The following NIN variants were observed in gnomAD, a reference collection of about 807,000 sequenced individuals.
The protein encoded by NIN is ninein, also known as glycogen synthase kinase 3 beta-interacting protein.
A neutral mutation model predicts 257.6 loss-of-function variants in NIN; 137 were observed. That is an observed-to-expected ratio of 0.53 (90% CI 0.46 to 0.61). The LOEUF is 0.61. NIN is among the 20% of genes least tolerant of loss of function. The pLI is 0.00. For missense variants in NIN, 2,439 were observed against 2,501.2 expected, an observed-to-expected ratio of 0.98 and a Z score of 0.53; for synonymous variants, 918 against 919.8, an observed-to-expected ratio of 1.00 and a Z score of 0.04.
chr14:50,819,512 T>C (rs1274870906), intron 3 of NIN, among the ~76,000 whole-genome samples: 2 of 152,206 alleles, frequency 1.3e-5, no homozygotes, highest in African/African-American at 4.8e-5. Flanking sequence ...AAGGTGTGTC[T>C]CTCATCTTCT....
Position 50,722,961 on chromosome 14 carries a change from TA to T in NIN, c.*501del. 9.4e-6 allele frequency: 2 copies of T among 212,554 alleles called. No individual in the cohort carries two copies. The highest frequency in any genetic ancestry group is 1.9e-5 in the Non-Finnish European group (2 of 105,134). 13.2% of individuals were successfully genotyped at this position (212,554 alleles called of 1,614,324 possible). A position where few individuals can be genotyped will look rare whatever the true frequency, so the allele number is the denominator to read the frequency against. On this transcript the variant is annotated 3_prime_UTR_variant, in exon 31 of 31. Transcript: ENST00000530997. Reference sequence around the variant, plus strand: ...TAACCACTTAATAAGCCCTGCCTCCTAACCAATTATACTCTACTAATTGTCT... The same window carrying T: ...TAACCACTTAATAAGCCCTGCCTCCTACCAATTATACTCTACTAATTGTCT...
At chr14:50,740,085 AAC>A (rs2041203367) in intron 25 of NIN, among the ~76,000 whole-genome samples, 1 of 152,216 alleles carries the variant, frequency 6.6e-6, no homozygotes, top group Admixed American at 6.5e-5. Context: ...TTAAAAAGAT[AAC>A]ACAAATAGAT....
intron 28 of NIN, among the ~76,000 whole-genome samples, chr14:50,733,573 G>A (rs184241816): frequency 6.6e-6 from 1 of 152,266 alleles, no homozygotes; most frequent in East Asian, 1.9e-4. Flanking sequence ...AACAACAAGG[G>A]GAAATTGCTT....
rs1377347698 is a variant in NIN at position 50,741,490 on chromosome 14, A to G, written c.5448+92T>C. The G allele has an allele frequency of 2.6e-5, 24 of 938,278 alleles. No homozygotes were observed. The East Asian group carries it at 5.6e-4, about 22-fold the overall frequency. The allele number at this position is 938,278 out of a possible 1,614,324, so 58.1% of individuals were successfully genotyped here. On this transcript the variant is annotated intron_variant, in intron 25 of 30. Transcript: ENST00000530997. ...ATAAAATATGCATATTTATATGTAC[A>G]TACATATACACATAAAAATAACCAA...
At chr14:50,829,296 C>G (rs2045595576) in intron 2 of NIN, among the ~76,000 whole-genome samples, 1 of 152,168 alleles carries the variant, frequency 6.6e-6, no homozygotes, top group African/African-American at 2.4e-5. Context: ...CAAGAGCCAC[C>G]AATATTCCAG....
intron 3 of NIN, among the ~76,000 whole-genome samples, chr14:50,817,207 T>C (rs1474419196): frequency 6.6e-6 from 1 of 152,226 alleles, no homozygotes; most frequent in Non-Finnish European, 1.5e-5. Context: ...GTATGAGTTA[T>C]ATTATGACAA....
chr14:50,795,939 A>C (rs2043818868), intron 4 of NIN, among the ~76,000 whole-genome samples: 1 of 152,254 alleles, frequency 6.6e-6, no homozygotes, highest in Admixed American at 6.5e-5. Flanking sequence ...AGACTGCGCC[A>C]CTGCACTCCA....
intron 28 of NIN, among the ~76,000 whole-genome samples, chr14:50,734,572 C>G (rs570613077): frequency 6.6e-6 from 1 of 152,306 alleles, no homozygotes; most frequent in African/African-American, 2.4e-5. Flanking sequence ...GAAGGATGTA[C>G]ACATAAGTTT....
intron 14 of NIN, among the ~76,000 whole-genome samples, chr14:50,765,040 C>T (rs1467735510): frequency 7.2e-5 from 8 of 111,752 alleles, no homozygotes; most frequent in Non-Finnish European, 1.0e-4. Flanking sequence ...GCCTGGCCAA[C>T]ATGGTGAAAC....
At position 50,775,461 on chromosome 14, in the gene NIN, A is replaced by C. The variant is rs545146452; in HGVS notation, c.666+1488T>G. Among the ~76,000 whole-genome samples the C allele has an allele frequency of 2.0e-5, 3 of 152,338 alleles. No homozygotes were observed. The East Asian group carries it at 5.8e-4, about 29-fold the overall frequency. ...GGTGACTAAATCTAAAATGGCGTTC[A>C]GTTGTAAAATTTTAGGATTCCAAGT... On this transcript the variant is annotated intron_variant, in intron 7 of 30. Transcript: ENST00000530997.
At chr14:50,743,295 A>G in intron 24 of NIN, 121 bp downstream of exon 24, 1 of 671,806 alleles carries the variant, frequency 1.5e-6, no homozygotes. Flanking sequence ...CATTGGTCAA[A>G]TTGAATCATT....
chr14:50,744,586 G>GA (rs1291252424), intron 22 of NIN, among the ~76,000 whole-genome samples: 1 of 152,178 alleles, frequency 6.6e-6, no homozygotes, highest in Non-Finnish European at 1.5e-5. Context: ...TAGGTAGATT[G>GA]AACCAGGCAG....
chr14:50,723,579 G>T lies in NIN; in HGVS notation c.6286C>A (p.Gln2096Lys). Reference sequence around the variant, plus strand: ...TAATTTTTCTTCTCTGCTGTTTTCTGTCGCTGTTCAGTCACTTCCAGAGCT... The same window carrying T: ...TAATTTTTCTTCTCTGCTGTTTTCTTTCGCTGTTCAGTCACTTCCAGAGCT... ...LKALEVTEQRQKTAEKKNYLL... is the reference protein window; with the variant it reads ...LKALEVTEQRKKTAEKKNYLL... Residue 2096 changes from glutamine to lysine, a missense_variant, in exon 31 of 31, where the codon CAG (glutamine) becomes AAG (lysine). Gln to Lys is a moderately conservative substitution (Grantham distance 53). Coordinates refer to ENST00000530997, the MANE Select transcript of NIN (RefSeq NM_020921.4). 6.2e-7 allele frequency: 1 copy of T among 1,613,872 alleles called. No homozygotes were observed. The highest frequency in any genetic ancestry group is 8.5e-7 in the Non-Finnish European group (1 of 1,179,844).
chr14:50,812,106 C>T (rs1025715839), intron 3 of NIN, among the ~76,000 whole-genome samples: 3 of 152,036 alleles, frequency 2.0e-5, no homozygotes, highest in Admixed American at 6.5e-5. Flanking sequence ...GGTGACAGAG[C>T]GAGACTCTGT....
At chr14:50,762,049 A>G in intron 15 of NIN, 138 bp from the exon 16 acceptor site, 1 of 872,494 alleles carries the variant, frequency 1.1e-6, no homozygotes, top group Non-Finnish European at 1.8e-6. Context: ...ATAGGAAATA[A>G]CAGAGGCCAA....
chr14:50,810,425 C>T (rs376244657), intron 3 of NIN, among the ~76,000 whole-genome samples: 4 of 152,088 alleles, frequency 2.6e-5, no homozygotes, highest in African/African-American at 9.6e-5. Context: ...GGTGTGGTAG[C>T]GTGCACCTGT....
chr14:50,762,223 C>T (rs1337258398), intron 15 of NIN, among the ~76,000 whole-genome samples: 1 of 152,092 alleles, frequency 6.6e-6, no homozygotes, highest in Non-Finnish European at 1.5e-5. Context: ...AGGTAGCTAC[C>T]TCCTAATGCA....
At position 50,804,560 on chromosome 14, in the gene NIN, G is replaced by T. The variant is rs534149600; in HGVS notation, c.265+2177C>A. On this transcript the variant is annotated intron_variant, in intron 4 of 30. Coordinates refer to ENST00000530997, the MANE Select transcript of NIN (RefSeq NM_020921.4). The stretch of plus-strand genomic sequence containing the variant: ...AAAAATCCCTTCTGTGTGTCTTCCC[G>T]GAAGACTTGTCCAAATTATGATCTT... 1.8e-4 allele frequency among the ~76,000 whole-genome samples: 27 copies of T among 152,264 alleles called. No homozygotes were observed. In the South Asian group the frequency reaches 5.6e-3, roughly 32 times the overall value.
intron 7 of NIN, among the ~76,000 whole-genome samples, chr14:50,775,980 GC>G (rs1354936778): frequency 1.3e-5 from 2 of 152,118 alleles, no homozygotes; most frequent in Non-Finnish European, 2.9e-5. Flanking sequence ...CTACTTGAAA[GC>G]TTTTGAAAAT....
Sources: allele counts gnomAD v4.1 joint callset (sites outside exome capture counted in the v4.1 genomes callset), GRCh38; gene constraint gnomAD v4.1.1; transcripts MANE v1.5; gene names NCBI Gene and HGNC (gene_info 2026-07-23, HGNC 2026-07-21).